ZNF385D: variants seen among roughly 807,000 people sequenced by gnomAD.
The protein encoded by ZNF385D is zinc finger protein 385D.
A neutral mutation model predicts 35.8 loss-of-function variants in ZNF385D; 15 were observed. The ratio of observed to expected loss-of-function variants is 0.42; its 90% CI spans 0.28 to 0.64. The LOEUF (loss-of-function observed/expected upper bound fraction) is 0.64, where lower values mean the gene tolerates loss of function less well. ZNF385D is among the 30% of genes least tolerant of loss of function. ZNF385D has a pLI of 0.23. For synonymous variants in ZNF385D, 212 were observed against 186.8 expected, an observed-to-expected ratio of 1.13 and a Z score of -1.10; for missense variants, 474 against 494.6, an observed-to-expected ratio of 0.96 and a Z score of 0.39.
intron 3 of ZNF385D, among the ~76,000 whole-genome samples, chr3:22,062,443 G>A (rs544401680): frequency 6.7e-4 from 102 of 152,236 alleles, no homozygotes; most frequent in African/African-American, 2.4e-3. Context: ...GCAAGTCTAA[G>A]TTCATAACTA....
At chr3:21,456,449 A>G (rs1288588712) in intron 4 of ZNF385D, among the ~76,000 whole-genome samples, 3 of 152,298 alleles carry the variant, frequency 2.0e-5, no homozygotes, top group Middle Eastern at 3.4e-3. Flanking sequence ...ACATGGATGA[A>G]GCTGGAAACC....
chr3:22,355,557 C>CAGCT, intron 2 of ZNF385D, among the ~76,000 whole-genome samples: 1 of 151,962 alleles, frequency 6.6e-6, no homozygotes, highest in Non-Finnish European at 1.5e-5. Context: ...AGAAGTCAAT[C>CAGCT]AGCTCCATGA....
chr3:22,082,167 A>G lies in ZNF385D; in HGVS notation c.325+86650T>C, dbSNP rs142988374. 8.5e-3 allele frequency among the ~76,000 whole-genome samples: 1,295 copies of G among 152,134 alleles called. 7 individuals are homozygous for G. The highest frequency in any genetic ancestry group is 0.013 in the Non-Finnish European group (883 of 68,008). Reference sequence around the variant, plus strand: ...CAGATGGGTGATTTCTGCATTTCCAATTGAGGCACCTGGTTTATCTCACTG... The same window carrying G: ...CAGATGGGTGATTTCTGCATTTCCAGTTGAGGCACCTGGTTTATCTCACTG... On this transcript the variant is annotated intron_variant, in intron 3 of 5. Transcript: ENST00000494108.
At chr3:21,471,302 C>G in intron 4 of ZNF385D, among the ~76,000 whole-genome samples, 1 of 40,112 alleles carries the variant, frequency 2.5e-5, no homozygotes, top group African/African-American at 1.0e-4. Flanking sequence ...CTCTCACACA[C>G]ACACACACAC....
At chr3:22,204,481 T>C (rs532253128) in intron 2 of ZNF385D, among the ~76,000 whole-genome samples, 26 of 151,964 alleles carry the variant, frequency 1.7e-4, no homozygotes, top group African/African-American at 5.3e-4. Context: ...ATCAAGAGCA[T>C]CGAGAAAAAC....
intron 3 of ZNF385D, among the ~76,000 whole-genome samples, chr3:21,533,190 C>T (rs562631997): frequency 3.9e-5 from 6 of 152,092 alleles, no homozygotes; most frequent in Non-Finnish European, 7.4e-5. Context: ...AGCTCTAAAT[C>T]TTCCCAATGG....
chr3:21,628,064 C>T (rs2065182736), intron 2 of ZNF385D, among the ~76,000 whole-genome samples: 1 of 152,116 alleles, frequency 6.6e-6, no homozygotes, highest in Non-Finnish European at 1.5e-5. Context: ...CTGACATCAA[C>T]AACTGCTTTT....
chr3:21,483,737 T>C (rs1163115721), intron 4 of ZNF385D, among the ~76,000 whole-genome samples: 1 of 152,218 alleles, frequency 6.6e-6, no homozygotes, highest in Non-Finnish European at 1.5e-5. Context: ...AAATGTCTGC[T>C]CATGGCTTTC....
At chr3:22,260,832 A>G (rs1700589450) in intron 2 of ZNF385D, among the ~76,000 whole-genome samples, 1 of 152,080 alleles carries the variant, frequency 6.6e-6, no homozygotes, top group Non-Finnish European at 1.5e-5. Context: ...AATCATAGCC[A>G]GATTTTCAAT....
At chr3:21,781,086 A>T (rs2071471136) in intron 3 of ZNF385D, among the ~76,000 whole-genome samples, 1 of 152,074 alleles carries the variant, frequency 6.6e-6, no homozygotes, top group Non-Finnish European at 1.5e-5. Context: ...TGAGATGGAG[A>T]AGCTAGGAGA....
At chr3:21,647,264 A>T (rs564432917) in intron 2 of ZNF385D, among the ~76,000 whole-genome samples, 1 of 152,170 alleles carries the variant, frequency 6.6e-6, no homozygotes, top group Non-Finnish European at 1.5e-5. Flanking sequence ...ATTATTCCAG[A>T]TCTACATTTC....
Position 21,750,981 on chromosome 3 carries a change from T to C in ZNF385D, c.-65A>G. 6.2e-7 allele frequency: 1 copy of C among 1,613,356 alleles called. No homozygotes were observed. The highest frequency in any genetic ancestry group is 8.5e-7 in the Non-Finnish European group (1 of 1,179,780). ...TCAGCTCTCACCCAAGGCTGGCACGTAGAGCAGAGCCCTTTCATGCTACAT... is the reference window on the plus strand; with the variant it reads ...TCAGCTCTCACCCAAGGCTGGCACGCAGAGCAGAGCCCTTTCATGCTACAT... On this transcript the variant is annotated 5_prime_UTR_variant, in exon 1 of 8. Transcript: ENST00000281523.
chr3:22,061,703 T>C (rs1576244755), intron 3 of ZNF385D, among the ~76,000 whole-genome samples: 1 of 152,344 alleles, frequency 6.6e-6, no homozygotes, highest in East Asian at 1.9e-4. Flanking sequence ...AGGCCTTCTA[T>C]GACCATCACA....
chr3:22,158,818 A>G (rs1705759878), intron 3 of ZNF385D, among the ~76,000 whole-genome samples: 1 of 151,964 alleles, frequency 6.6e-6, no homozygotes, highest in African/African-American at 2.4e-5. Flanking sequence ...GGGCCTCAGA[A>G]TGCAAAATAA....
rs35873199 is a variant in ZNF385D at position 21,537,124 on chromosome 3, C to CTTT, written c.277-26104_277-26102dup. ...AAATTCATGGTGAACAAAATATCAA[C>CTTT]TTTTTTTTTTTTTTTTTTTTTTTTA... On this transcript the variant is annotated intron_variant, in intron 3 of 7. Coordinates refer to ENST00000281523, the MANE Select transcript of ZNF385D (RefSeq NM_024697.3). 2.7e-3 allele frequency among the ~76,000 whole-genome samples: 252 copies of CTTT among 94,970 alleles called. 5 individuals carry two copies. The highest frequency in any genetic ancestry group is 8.8e-3 in the Middle Eastern group (1 of 114). 62.3% of individuals were successfully genotyped at this position (94,970 alleles called of 152,430 possible).
At chr3:21,538,531 T>C (rs2062093031) in intron 3 of ZNF385D, among the ~76,000 whole-genome samples, 1 of 152,106 alleles carries the variant, frequency 6.6e-6, no homozygotes, top group Non-Finnish European at 1.5e-5. Flanking sequence ...AATCTCTGCT[T>C]CCACTGAGGT....
At chr3:22,127,129 A>G (rs973986136) in intron 3 of ZNF385D, among the ~76,000 whole-genome samples, 1 of 151,906 alleles carries the variant, frequency 6.6e-6, no homozygotes, top group East Asian at 1.9e-4. Context: ...TTATCCATTC[A>G]GTCACTGTTT....
At chr3:21,750,281 C>T (rs2069999486) in intron 1 of ZNF385D, among the ~76,000 whole-genome samples, 2 of 152,140 alleles carry the variant, frequency 1.3e-5, no homozygotes, top group African/African-American at 4.8e-5. Flanking sequence ...AGGTTTCTAC[C>T]GTGGCACAAA....
intron 2 of ZNF385D, among the ~76,000 whole-genome samples, chr3:21,571,106 A>G (rs1422936433): frequency 2.0e-5 from 3 of 152,162 alleles, no homozygotes; most frequent in Non-Finnish European, 4.4e-5. Context: ...TATTTACACC[A>G]TCCCAATAAA....
Sources: gnomAD v4.1 joint callset for allele counts (sites outside exome capture counted in the v4.1 genomes callset) on GRCh38, gnomAD v4.1.1 for gene constraint, MANE v1.5 for transcripts, NCBI Gene and HGNC (gene_info 2026-07-23, HGNC 2026-07-21) for gene names.